The following SESN1 variants were observed in gnomAD, a reference collection of about 807,000 sequenced individuals.
SESN1 encodes the protein sestrin-1.
Under a neutral mutation model 59.3 loss-of-function variants are expected in SESN1, and 30 were observed. The observed-to-expected ratio is 0.51, with a 90% CI of 0.38 to 0.69. SESN1 has a LOEUF of 0.69. Ranked by LOEUF, SESN1 falls within the 30% of genes least tolerant of loss-of-function variation. The probability of loss-of-function intolerance (pLI) is 0.00; values close to 1 mark genes in which losing one functional copy is unlikely to be tolerated. For missense variants in SESN1, 566 were observed against 673.0 expected (o/e 0.84, Z 1.76); for synonymous variants, 197 against 219.9 (o/e 0.90, Z 0.92).
chr6:109,087,851 T>C (rs1176839704), intron 1 of SESN1, among the ~76,000 whole-genome samples: 1 of 152,118 alleles, frequency 6.6e-6, no homozygotes, highest in Non-Finnish European at 1.5e-5. Flanking sequence ...AGTGATATAT[T>C]ATCTAGTTAG....
At chr6:109,029,348 GAT>G (rs1253535102) in intron 1 of SESN1, among the ~76,000 whole-genome samples, 1 of 152,188 alleles carries the variant, frequency 6.6e-6, no homozygotes, top group Non-Finnish European at 1.5e-5. Flanking sequence ...AAATGCACTT[GAT>G]TTATGGCAAT....
chr6:109,026,078 G>A (rs1780088192), intron 1 of SESN1, among the ~76,000 whole-genome samples: 2 of 152,026 alleles, frequency 1.3e-5, no homozygotes, highest in South Asian at 4.2e-4. Flanking sequence ...GGAAAAGTCA[G>A]ATTACCTACA....
chr6:109,070,911 G>C (rs1780923229), intron 1 of SESN1, among the ~76,000 whole-genome samples: 1 of 152,288 alleles, frequency 6.6e-6, no homozygotes, highest in African/African-American at 2.4e-5. Flanking sequence ...GCTACACCTT[G>C]AGTAGTAAGA....
chr6:108,998,302 T>C (rs1170114337), intron 5 of SESN1, among the ~76,000 whole-genome samples: 1 of 152,190 alleles, frequency 6.6e-6, no homozygotes. Flanking sequence ...TAGAGTTTTG[T>C]ACATCACTTT....
chr6:109,094,028 T>C lies in SESN1; in HGVS notation c.46A>G (p.Arg16Gly). 1 of 1,614,226 alleles carries C rather than the reference T, an allele frequency of 6.2e-7. No individual in the cohort carries two copies. The highest frequency in any genetic ancestry group is 8.5e-7 in the Non-Finnish European group (1 of 1,180,046). Residue 16 changes from arginine to glycine, a missense_variant, in exon 1 of 10, where the codon AGA becomes GGA. Transcript: ENST00000436639. ...GCTGTCTCCCTAGTAGTTGAATCTC[T>C]GCTGCAGAGTCCATCCCATCTCACT... The part of the protein sequence containing the change: ...NEVRWDGLCS[R>G]DSTTRETALE...
At chr6:109,057,677 A>G (rs1197562850) in intron 1 of SESN1, among the ~76,000 whole-genome samples, 2 of 152,244 alleles carry the variant, frequency 1.3e-5, no homozygotes, top group African/African-American at 4.8e-5. Context: ...AGGAACTCCT[A>G]GTATTTAAAG....
intron 1 of SESN1, among the ~76,000 whole-genome samples, chr6:109,022,797 A>C (rs1211786975): frequency 6.6e-6 from 1 of 152,124 alleles, no homozygotes; most frequent in Non-Finnish European, 1.5e-5. Context: ...GAAATGGGAA[A>C]CTCAGAGAGG....
chr6:109,049,302 C>T (rs1226042947), intron 1 of SESN1, among the ~76,000 whole-genome samples: 2 of 151,258 alleles, frequency 1.3e-5, no homozygotes, highest in Admixed American at 6.6e-5. Context: ...TATGTTCTCA[C>T]TCATATGTGA....
At chr6:109,020,245 T>C (rs1380386369) in intron 1 of SESN1, among the ~76,000 whole-genome samples, 4 of 152,192 alleles carry the variant, frequency 2.6e-5, no homozygotes. Flanking sequence ...CAGGATATAT[T>C]GTCCTAGGTT....
intron 1 of SESN1, among the ~76,000 whole-genome samples, chr6:109,020,187 T>C (rs1482252144): frequency 6.6e-6 from 1 of 152,194 alleles, no homozygotes; most frequent in African/African-American, 2.4e-5. Context: ...TTCTTCTTTT[T>C]TTCTTTTTTT....
chr6:109,018,068 T>C (rs1399886293), intron 1 of SESN1, among the ~76,000 whole-genome samples: 1 of 152,212 alleles, frequency 6.6e-6, no homozygotes, highest in African/African-American at 2.4e-5. Flanking sequence ...TCCAGAGTTC[T>C]ATGCTTTCAG....
chr6:108,988,591 G>GGA lies in SESN1; in HGVS notation c.1520_1521insTC (p.Lys508ProfsTer25). ...TCCAGAAGCTATCATACATTCTTTT[G>GGA]GTAACCTTTTCAGGAGTGCAAACAA... On this transcript the variant is annotated frameshift_variant, in exon 9 of 10. Coordinates refer to ENST00000436639, the MANE Select transcript of SESN1 (RefSeq NM_014454.3). LOFTEE classifies it high-confidence loss of function. 1 of 1,612,794 alleles carries GGA rather than the reference G, an allele frequency of 6.2e-7. No individual in the cohort carries two copies. Among genetic ancestry groups the GGA allele is most frequent in the African/African-American group, 1.3e-5 (1 of 74,956 alleles).
In SESN1 at chr6:108,985,235, A is replaced by C. The variant is rs186279143; in HGVS notation, c.*2309T>G. On this transcript the variant is annotated 3_prime_UTR_variant, in exon 10 of 10. Coordinates refer to ENST00000436639, the MANE Select transcript of SESN1 (RefSeq NM_014454.3). ...CTGTATCAAAATCAATCTCATTCTT[A>C]GAGATGATAAAGTTTGGCCTAATAA... 6.6e-6 allele frequency among the ~76,000 whole-genome samples: 1 copy of C among 152,314 alleles called. No individual in the cohort carries two copies. Among genetic ancestry groups the C allele is most frequent in the East Asian group, 1.9e-4 (1 of 5,186 alleles).
chr6:109,009,084 G>A (rs1340961613), intron 1 of SESN1: 4 of 838,176 alleles, frequency 4.8e-6, no homozygotes, highest in Admixed American at 4.7e-5. Context: ...TTACATGACC[G>A]CGGCCGCAGT....
intron 4 of SESN1, among the ~76,000 whole-genome samples, chr6:108,999,616 CACTG>C (rs1423665638): frequency 6.6e-6 from 1 of 152,118 alleles, no homozygotes; most frequent in Non-Finnish European, 1.5e-5. Flanking sequence ...AAATCCAAAA[CACTG>C]ACACCAATGC....
At chr6:109,083,901 C>G (rs1781165722) in intron 1 of SESN1, among the ~76,000 whole-genome samples, 1 of 152,118 alleles carries the variant, frequency 6.6e-6, no homozygotes, top group African/African-American at 2.4e-5. Flanking sequence ...ACAGCTAACA[C>G]CTGCCAACTA....
intron 1 of SESN1, among the ~76,000 whole-genome samples, chr6:109,058,955 G>T (rs1780684415): frequency 6.6e-6 from 1 of 152,106 alleles, no homozygotes; most frequent in South Asian, 2.1e-4. Flanking sequence ...GGTACCTAAA[G>T]AAAGGAAATT....
chr6:109,073,356 C>T (rs1326695431), intron 1 of SESN1, among the ~76,000 whole-genome samples: 4 of 152,086 alleles, frequency 2.6e-5, no homozygotes, highest in Non-Finnish European at 5.9e-5. Context: ...TGACTGTTAT[C>T]GTTGTTATTA....
intron 1 of SESN1, among the ~76,000 whole-genome samples, chr6:109,021,740 T>C (rs1780015416): frequency 6.6e-6 from 1 of 152,136 alleles, no homozygotes; most frequent in Non-Finnish European, 1.5e-5. Context: ...CCTGGCCTCA[T>C]CCTTCTCCTT....
Sources: allele counts gnomAD v4.1 joint callset (sites outside exome capture counted in the v4.1 genomes callset), GRCh38; gene constraint gnomAD v4.1.1; transcripts MANE v1.5; gene names NCBI Gene and HGNC (gene_info 2026-07-23, HGNC 2026-07-21).